The following EHMT1 variants were observed in gnomAD, a reference collection of about 807,000 sequenced individuals.
The protein encoded by EHMT1 is histone-lysine N-methyltransferase EHMT1.
Under a neutral mutation model 147.2 loss-of-function variants are expected in EHMT1, and 15 were observed. The observed-to-expected ratio is 0.10, with a 90% CI of 0.07 to 0.16. EHMT1 has a LOEUF of 0.16. EHMT1 is among the 10% of genes least tolerant of loss of function. The probability of loss-of-function intolerance (pLI) is 1.00; values close to 1 mark genes in which losing one functional copy is unlikely to be tolerated. For missense variants in EHMT1, 1,587 were observed against 1,772.4 expected (o/e 0.90, Z 1.88); for synonymous variants, 795 against 709.6 (o/e 1.12, Z -1.91).
At chr9:137,724,344 TC>T (rs1159951956) in intron 3 of EHMT1, among the ~76,000 whole-genome samples, 2 of 143,492 alleles carry the variant, frequency 1.4e-5, no homozygotes, top group African/African-American at 5.2e-5. Context: ...GGGAAGAGCC[TC>T]GGGGAAGGGC....
At chr9:137,685,388 G>A (rs1053328413) in intron 1 of EHMT1, 2 of 152,140 alleles carry the variant, frequency 1.3e-5, no homozygotes, top group African/African-American at 4.8e-5. Context: ...ATGTCATGTA[G>A]CATAAGGTTT....
At chr9:137,657,856 T>C (rs1204669663) in intron 1 of EHMT1, among the ~76,000 whole-genome samples, 1 of 151,888 alleles carries the variant, frequency 6.6e-6, no homozygotes, top group Non-Finnish European at 1.5e-5. Context: ...TTCTACTTTT[T>C]TTTTTTAATA....
At chr9:137,744,546 C>T (rs1397130154) in intron 6 of EHMT1, among the ~76,000 whole-genome samples, 1 of 152,192 alleles carries the variant, frequency 6.6e-6, no homozygotes, top group African/African-American at 2.4e-5. Flanking sequence ...TCTTGAGCTC[C>T]TTTGCTCAAG....
chr9:137,659,138 A>G (rs1938797668), intron 1 of EHMT1, among the ~76,000 whole-genome samples: 1 of 152,094 alleles, frequency 6.6e-6, no homozygotes, highest in Non-Finnish European at 1.5e-5. Flanking sequence ...ATCAAATACT[A>G]GATCTTATTC....
At chr9:137,801,308 C>T (rs958886195) in intron 18 of EHMT1, among the ~76,000 whole-genome samples, 13 of 152,184 alleles carry the variant, frequency 8.5e-5, no homozygotes, top group African/African-American at 3.1e-4. Context: ...GCACCTCTGG[C>T]TCTCCCTTTG....
chr9:137,698,512 G>A (rs1943579893), intron 1 of EHMT1, among the ~76,000 whole-genome samples: 2 of 152,206 alleles, frequency 1.3e-5, no homozygotes, highest in South Asian at 2.1e-4. Flanking sequence ...TTTAAAGCTA[G>A]TGAGCAGGTT....
At chr9:137,659,868 G>A (rs1007066026) in intron 1 of EHMT1, among the ~76,000 whole-genome samples, 9 of 152,084 alleles carry the variant, frequency 5.9e-5, no homozygotes, top group Non-Finnish European at 1.2e-4. Context: ...GAGGCACTGC[G>A]CTTGGCCCCC....
intron 1 of EHMT1, among the ~76,000 whole-genome samples, chr9:137,633,820 C>G (rs1406150237): frequency 4.1e-5 from 6 of 147,962 alleles, no homozygotes; most frequent in Non-Finnish European, 8.9e-5. Context: ...TTTTCACTTT[C>G]TAATTTTTTT....
At chr9:137,649,209 C>CA (rs1845125160) in intron 1 of EHMT1, among the ~76,000 whole-genome samples, 6 of 151,956 alleles carry the variant, frequency 3.9e-5, no homozygotes, top group Admixed American at 3.9e-4. Context: ...TTTGTGAGGC[C>CA]AAGGCGGGTG....
chr9:137,689,381 A>G (rs1031205493), intron 1 of EHMT1, among the ~76,000 whole-genome samples: 8 of 152,048 alleles, frequency 5.3e-5, no homozygotes, highest in African/African-American at 1.4e-4. Flanking sequence ...ATTGCATTCT[A>G]TGTGTTGGTT....
chr9:137,786,084 T>C lies in EHMT1; in HGVS notation c.2382+3687T>C, dbSNP rs1050556179. The stretch of plus-strand genomic sequence containing the variant: ...TCTGTGCTTGTCTGAAACGTCGTCT[T>C]TGGGGAGGCCGAGTGAGGGGAGTAC... On this transcript the variant is annotated intron_variant, in intron 15 of 26. Coordinates refer to ENST00000460843, the MANE Select transcript of EHMT1 (RefSeq NM_024757.5). This position sits in a 1 kb window ranked among gnomAD's most constrained non-coding sequence, Gnocchi z 4.3. The C allele has an allele frequency of 6.6e-6, 1 of 152,426 alleles. No homozygotes were observed. The highest frequency in any genetic ancestry group is 1.5e-5 in the Non-Finnish European group (1 of 68,182). 9.4% of individuals were successfully genotyped at this position (152,426 alleles called of 1,614,324 possible). A position where few individuals can be genotyped will look rare whatever the true frequency, so the allele number is the denominator to read the frequency against.
intron 1 of EHMT1, among the ~76,000 whole-genome samples, chr9:137,625,292 TG>T (rs1350262819): frequency 3.9e-5 from 6 of 152,220 alleles, no homozygotes; most frequent in Non-Finnish European, 8.8e-5. Context: ...GCTAGCCTTT[TG>T]TTATGTATTA....
At chr9:137,631,603 T>C (rs1031390574) in intron 1 of EHMT1, among the ~76,000 whole-genome samples, 1 of 151,944 alleles carries the variant, frequency 6.6e-6, no homozygotes, top group Non-Finnish European at 1.5e-5. Context: ...AGGTCAGGCG[T>C]GGTGGCTCAC....
chr9:137,705,504 C>G (rs1944189406), intron 1 of EHMT1, among the ~76,000 whole-genome samples: 1 of 152,210 alleles, frequency 6.6e-6, no homozygotes, highest in African/African-American at 2.4e-5. Flanking sequence ...TTTGCACACA[C>G]TGGTTTTGTT....
intron 1 of EHMT1, among the ~76,000 whole-genome samples, chr9:137,634,252 T>G (rs937693592): frequency 1.3e-5 from 2 of 152,224 alleles, no homozygotes; most frequent in African/African-American, 4.8e-5. Flanking sequence ...GGAGTTTATG[T>G]TTCCTTGGAA....
intron 1 of EHMT1, among the ~76,000 whole-genome samples, chr9:137,683,562 A>G (rs890123357): frequency 2.6e-5 from 4 of 152,186 alleles, no homozygotes; most frequent in East Asian, 1.9e-4. Context: ...AGCTGAGACT[A>G]CAGGTGCACC....
At chr9:137,648,998 GA>G (rs1345928410) in intron 1 of EHMT1, among the ~76,000 whole-genome samples, 3 of 152,226 alleles carry the variant, frequency 2.0e-5, no homozygotes, top group Non-Finnish European at 4.4e-5. Flanking sequence ...CAAAAAGCCA[GA>G]GACTGATCCT....
chr9:137,683,420 C>G (rs1009045629), intron 1 of EHMT1, among the ~76,000 whole-genome samples: 1 of 152,076 alleles, frequency 6.6e-6, no homozygotes, highest in African/African-American at 2.4e-5. Flanking sequence ...TATAACCTTC[C>G]AAACATTTAA....
chr9:137,834,703 T>G (rs1183565629), intron 26 of EHMT1, 70 bp from the exon 27 acceptor site: 10 of 1,611,158 alleles, frequency 6.2e-6, no homozygotes, highest in Non-Finnish European at 8.5e-6. Context: ...TGGCCTTGCC[T>G]TAATTTATCT....
Sources: allele counts gnomAD v4.1 joint callset (sites outside exome capture counted in the v4.1 genomes callset), GRCh38; gene constraint gnomAD v4.1.1; non-coding constraint Gnocchi (gnomAD v3.1); transcripts MANE v1.5; gene names NCBI Gene and HGNC (gene_info 2026-07-23, HGNC 2026-07-21).